Variants in DHRSX observed in about 807,000 individuals in gnomAD.
DHRSX encodes dehydrogenase/reductase X-linked, also known as polyprenol dehydrogenase.
In DHRSX, 31 loss-of-function variants were observed where a neutral mutation model predicts 34.0. The observed-to-expected ratio is 0.91, with a 90% CI of 0.69 to 1.23. The LOEUF (loss-of-function observed/expected upper bound fraction) is 1.23, where lower values mean the gene tolerates loss of function less well. DHRSX is among the 50% of genes most tolerant of loss of function. The probability of loss-of-function intolerance (pLI) is 0.00; values close to 1 mark genes in which losing one functional copy is unlikely to be tolerated. For missense variants in DHRSX, 414 were observed against 428.1 expected (o/e 0.97, Z 0.29); for synonymous variants, 201 against 183.8 (o/e 1.09, Z -0.76).
At chrX:2,253,895 A>C (rs1569480283) in intron 5 of DHRSX, among the ~76,000 whole-genome samples, 2 of 152,188 alleles carry the variant, frequency 1.3e-5, no homozygotes, top group East Asian at 1.9e-4. Context: ...CCCGTCTCTA[A>C]TAAAAATACA....
chrX:2,354,094 G>A lies in DHRSX; in HGVS notation c.286+54651C>T, dbSNP rs748751627. Among the ~76,000 whole-genome samples, 5 of 152,264 alleles carry A rather than the reference G, an allele frequency of 3.3e-5. No individual in the cohort carries two copies. In the East Asian group the frequency reaches 9.7e-4, roughly 29 times the overall value. ...GCCTGAGTATGGGTGCTGACTTGGT[G>A]CAAGAAGAGAAGGGTAGGCATCGTC... On this transcript the variant is annotated intron_variant, in intron 3 of 6. Transcript: ENST00000334651.
At chrX:2,330,187 A>C (rs1307247089) in intron 3 of DHRSX, among the ~76,000 whole-genome samples, 1 of 143,332 alleles carries the variant, frequency 7.0e-6, no homozygotes, top group African/African-American at 2.6e-5. Context: ...GAGGAGGAGA[A>C]GCAGGAGGAG....
At position 2,400,792 on chromosome X, in the gene DHRSX, G is replaced by A. The variant is rs193288716; in HGVS notation, c.286+7953C>T. ...TTGTATTTTCAATCTACTCAATTACGTTGATGACCTGTTATCAACCTTCAT... is the reference window on the plus strand; with the variant it reads ...TTGTATTTTCAATCTACTCAATTACATTGATGACCTGTTATCAACCTTCAT... On this transcript the variant is annotated intron_variant, in intron 3 of 6. Coordinates refer to ENST00000334651, the MANE Select transcript of DHRSX (RefSeq NM_145177.3). Among the ~76,000 whole-genome samples, 597 of 152,194 alleles carry A rather than the reference G, an allele frequency of 3.9e-3. 1 individual carries two copies. The highest frequency in any genetic ancestry group is 7.0e-3 in the Non-Finnish European group (473 of 68,008).
chrX:2,382,159 C>A (rs1267133948), intron 3 of DHRSX, among the ~76,000 whole-genome samples: 3 of 152,162 alleles, frequency 2.0e-5, no homozygotes, highest in Non-Finnish European at 2.9e-5. Context: ...TCCATTCCCT[C>A]TTTCTGGGCT....
At chrX:2,370,490 G>A (rs917951720) in intron 3 of DHRSX, among the ~76,000 whole-genome samples, 4 of 151,392 alleles carry the variant, frequency 2.6e-5, no homozygotes, top group African/African-American at 9.7e-5. Flanking sequence ...GTATTTTACG[G>A]AGACACAATC....
intron 3 of DHRSX, chrX:2,334,767 A>G (rs140501116): frequency 6.6e-6 from 1 of 152,322 alleles, no homozygotes; most frequent in Non-Finnish European, 1.5e-5. Flanking sequence ...AACTTAATTT[A>G]TAACAGTATT....
chrX:2,352,305 G>A (rs2042798074), intron 3 of DHRSX, among the ~76,000 whole-genome samples: 1 of 152,050 alleles, frequency 6.6e-6, no homozygotes, highest in Non-Finnish European at 1.5e-5. Flanking sequence ...GATAGTATCT[G>A]TTTTCTTCAC....
At position 2,373,491 on chromosome X, in the gene DHRSX, G is replaced by A. The variant is rs147638955; in HGVS notation, c.286+35254C>T. Among the ~76,000 whole-genome samples the A allele has an allele frequency of 2.0e-3, 298 of 152,214 alleles. 4 individuals are homozygous for A. The East Asian group carries it at 0.047, about 24-fold the overall frequency. ...TCCATTCTCCCCACGCCAGAATTAG[G>A]GGGTCTCTAGTCCCCCAGCTCTAAT... On this transcript the variant is annotated intron_variant, in intron 3 of 6. Transcript: ENST00000334651.
chrX:2,497,951 T>C (rs28607725), intron 1 of DHRSX, among the ~76,000 whole-genome samples: 6,578 of 152,226 alleles, frequency 0.043, 457 homozygotes, highest in African/African-American at 0.15. Context: ...TACAACTTAC[T>C]GAATGGGCCG....
At chrX:2,347,184 G>C (rs186646687) in intron 3 of DHRSX, among the ~76,000 whole-genome samples, 10 of 152,294 alleles carry the variant, frequency 6.6e-5, no homozygotes, top group South Asian at 4.1e-4. Flanking sequence ...CACGTGGCTG[G>C]GGAAGCCTCA....
At chrX:2,243,632 G>A (rs1472115842) in intron 5 of DHRSX, among the ~76,000 whole-genome samples, 2 of 151,252 alleles carry the variant, frequency 1.3e-5, no homozygotes, top group African/African-American at 2.4e-5. Context: ...GACTACAGGT[G>A]CCCGCCACCA....
intron 2 of DHRSX, among the ~76,000 whole-genome samples, chrX:2,417,841 A>T (rs1424719846): frequency 6.6e-6 from 1 of 152,058 alleles, no homozygotes; most frequent in African/African-American, 2.4e-5. Context: ...ATTCTACTCA[A>T]CTACCTCATC....
chrX:2,488,510 C>T, intron 1 of DHRSX: 1 of 1,261,038 alleles, frequency 7.9e-7, no homozygotes, highest in Non-Finnish European at 1.1e-6. Context: ...CTTTTTCCAC[C>T]TTCTAGGTGT....
chrX:2,335,418 G>T (rs182391229), intron 3 of DHRSX, among the ~76,000 whole-genome samples: 1 of 151,332 alleles, frequency 6.6e-6, no homozygotes, highest in East Asian at 1.9e-4. Context: ...AGGTGGATAA[G>T]AGACAAATGG....
chrX:2,379,595 G>GTT (rs749144665), intron 3 of DHRSX, among the ~76,000 whole-genome samples: 3,858 of 103,404 alleles, frequency 0.037, 219 homozygotes, highest in African/African-American at 0.1. Flanking sequence ...GGCAGTGGAG[G>GTT]TTTTTTTTTT....
intron 2 of DHRSX, among the ~76,000 whole-genome samples, chrX:2,410,804 A>G (rs1320438614): frequency 6.6e-6 from 1 of 152,242 alleles, no homozygotes; most frequent in African/African-American, 2.4e-5. Flanking sequence ...GCTAAGATAA[A>G]TAGTGCAAAG....
chrX:2,231,563 TCTC>T (rs1039388196), intron 6 of DHRSX, among the ~76,000 whole-genome samples: 4 of 150,652 alleles, frequency 2.7e-5, no homozygotes, highest in African/African-American at 4.9e-5. Flanking sequence ...TTCCTTTTTC[TCTC>T]TTCTTCCTCC....
intron 3 of DHRSX, among the ~76,000 whole-genome samples, chrX:2,388,670 G>A (rs2043299752): frequency 6.6e-6 from 1 of 151,968 alleles, no homozygotes; most frequent in South Asian, 2.1e-4. Flanking sequence ...AAGAGGAGAT[G>A]AGGACACAGA....
intron 3 of DHRSX, among the ~76,000 whole-genome samples, chrX:2,358,737 A>C (rs754712999): frequency 6.6e-6 from 1 of 152,244 alleles, no homozygotes; most frequent in African/African-American, 2.4e-5. Context: ...TTAGTTAGTA[A>C]ATGGCGAATT....
Sources: allele counts gnomAD v4.1 joint callset (sites outside exome capture counted in the v4.1 genomes callset), GRCh38; gene constraint gnomAD v4.1.1; transcripts MANE v1.5; gene names NCBI Gene and HGNC (gene_info 2026-07-23, HGNC 2026-07-21).